Variants in ACAN observed in about 807,000 individuals in gnomAD.
ACAN encodes the protein aggrecan.
ACAN carries 47 observed loss-of-function variants against 169.1 expected under a neutral mutation model. That is an observed-to-expected ratio of 0.28 (90% confidence interval 0.22 to 0.35). The LOEUF (loss-of-function observed/expected upper bound fraction) is 0.35. Ranked by LOEUF, ACAN falls within the 10% of genes least tolerant of loss-of-function variation. The probability of loss-of-function intolerance (pLI) is 1.00; values close to 1 mark genes in which losing one functional copy is unlikely to be tolerated. For missense variants in ACAN, 2,716 were observed against 2,759.9 expected, an observed-to-expected ratio of 0.98 and a Z score of 0.36; for synonymous variants, 1,115 against 1,112.2, an observed-to-expected ratio of 1.00 and a Z score of -0.05.
intron 2 of ACAN, among the ~76,000 whole-genome samples, chr15:88,837,121 C>T (rs1363813069): frequency 1.3e-5 from 2 of 152,214 alleles, no homozygotes; most frequent in African/African-American, 4.8e-5. Context: ...ACGGGGACAC[C>T]ATACCCCTGG....
At chr15:88,812,016 C>T (rs983454493) in intron 1 of ACAN, among the ~76,000 whole-genome samples, 12 of 152,202 alleles carry the variant, frequency 7.9e-5, no homozygotes, top group African/African-American at 2.2e-4. Context: ...CAGAGGGTCT[C>T]CTGGTGTGGG....
chr15:88,863,068 C>T (rs906874373), intron 13 of ACAN, among the ~76,000 whole-genome samples: 1 of 150,868 alleles, frequency 6.6e-6, no homozygotes, highest in Non-Finnish European at 1.5e-5. Context: ...GAGCAAAATG[C>T]AGCATGATTC....
In ACAN at chr15:88,858,414, A is replaced by G; in HGVS notation, c.5829A>G (p.Glu1943=). ...CTCTTGTAGACAGAACTTTGGTGGA[A>G]TCTGTAACCCAGGCTCCAACAGCCC... ...TVSLVDRTLV[E]SVTQAPTAQE... is the part of the protein sequence containing the mutation. The change falls in exon 12 of 19, where the codon GAA becomes GAG. Residue 1943 remains glutamate, a synonymous_variant. Coordinates refer to ENST00000560601, the MANE Select transcript of ACAN (RefSeq NM_001369268.1). The surrounding 1 kb of genome is among the most constrained non-coding windows in gnomAD (Gnocchi z 4.0). 6.2e-7 allele frequency: 1 copy of G among 1,613,700 alleles called. No individual in the cohort carries two copies. Among genetic ancestry groups the G allele is most frequent in the Non-Finnish European group, 8.5e-7 (1 of 1,179,868 alleles).
rs1897421899 is a variant in ACAN at position 88,873,061 on chromosome 15, G to C, written c.7447+36G>C. The stretch of plus-strand genomic sequence containing the variant: ...GCCTGGGAGGGGTCAGGGGAGGATA[G>C]GATCAAGACCTCCAGCTACAGGTGA... On this transcript the variant is annotated intron_variant, in intron 17 of 18. Transcript: ENST00000560601. This position sits in a 1 kb window ranked among gnomAD's most constrained non-coding sequence, Gnocchi z 7.5. 1.2e-6 allele frequency: 2 copies of C among 1,601,808 alleles called. No homozygotes were observed. Among genetic ancestry groups the C allele is most frequent in the African/African-American group, 1.3e-5 (1 of 74,780 alleles).
At chr15:88,824,100 A>C (rs1284553305) in intron 1 of ACAN, among the ~76,000 whole-genome samples, 1 of 152,108 alleles carries the variant, frequency 6.6e-6, no homozygotes, top group East Asian at 1.9e-4. Context: ...CGAGGCAGGC[A>C]GACCACGAGA....
rs73458260 is a variant in ACAN, at chr15:88,870,640, C to T, written c.7061-742C>T. 4.5e-3 allele frequency among the ~76,000 whole-genome samples: 682 copies of T among 152,274 alleles called. 3 individuals carry two copies. Among genetic ancestry groups the T allele is most frequent in the African/African-American group, 0.016 (647 of 41,558 alleles). ...CCTAGGCTGTCCAAGAACTCCAAGCCAGCCCCTTCTCCAGACTGAGAACCC... is the reference window on the plus strand; with the variant it reads ...CCTAGGCTGTCCAAGAACTCCAAGCTAGCCCCTTCTCCAGACTGAGAACCC... On this transcript the variant is annotated intron_variant, in intron 14 of 18. Transcript: ENST00000560601. This position sits in a 1 kb window ranked among gnomAD's most constrained non-coding sequence, Gnocchi z 6.3.
rs766554442 is a variant in ACAN at position 88,858,214 on chromosome 15, C to T, written c.5629C>T (p.Gln1877Ter). The T allele has an allele frequency of 6.2e-7, 1 of 1,613,896 alleles. No individual in the cohort carries two copies. The highest frequency in any genetic ancestry group is 2.2e-5 in the East Asian group (1 of 44,884). Reference sequence around the variant, plus strand: ...ATCTGGGATGGTGGATGTCAGTGGACAGTTTTCTGGAACAGTCGATTCCAG... The same window carrying T: ...ATCTGGGATGGTGGATGTCAGTGGATAGTTTTCTGGAACAGTCGATTCCAG... ...GKSGMVDVSG[Q>*]FSGTVDSSGF... The change falls in exon 12 of 19, where the codon CAG becomes TAG. Residue 1877 changes from glutamine to a stop codon, truncating the protein, a stop_gained. Transcript: ENST00000560601. LOFTEE classifies it high-confidence loss of function. The surrounding 1 kb of genome is among the most constrained non-coding windows in gnomAD (Gnocchi z 4.0).
In ACAN at chr15:88,859,098, C is replaced by T. The variant is rs1380942085; in HGVS notation, c.6513C>T (p.Ser2171=). 3.1e-6 allele frequency: 5 copies of T among 1,613,734 alleles called. No individual in the cohort carries two copies. The Admixed American group carries it at 5.0e-5, about 16-fold the overall frequency. ...CTGCCCCAGAAGTGAGTGGAGAATC[C>T]ACCACCACCAGTGATGTGGGGACAG... ...ASAAPEVSGE[S]TTTSDVGTEA... The change falls in exon 12 of 19, where the codon TCC becomes TCT. Residue 2171 remains serine (S), a synonymous_variant. Coordinates refer to ENST00000560601, the MANE Select transcript of ACAN (RefSeq NM_001369268.1).
intron 1 of ACAN, among the ~76,000 whole-genome samples, chr15:88,834,087 C>T (rs1475151451): frequency 6.6e-6 from 1 of 152,198 alleles, no homozygotes; most frequent in Non-Finnish European, 1.5e-5. Flanking sequence ...ACCAGAGCCC[C>T]TCATGGTGCC....
In ACAN at chr15:88,857,108, A is replaced by G. The variant is rs2882676; in HGVS notation, c.4523A>G (p.Glu1508Gly). 5.6e-6 allele frequency: 9 copies of G among 1,612,944 alleles called. No individual in the cohort carries two copies. In the African/African-American group the frequency reaches 1.2e-4, roughly 22 times the overall value. ...GCCTCTGGAATAGAGGATGTCAGTGAACTTCCTTCAGGAGAAGGTCTAGAG... is the reference window on the plus strand; with the variant it reads ...GCCTCTGGAATAGAGGATGTCAGTGGACTTCCTTCAGGAGAAGGTCTAGAG... Reference protein sequence around the residue: ...TSASGIEDVSELPSGEGLETS... With the variant: ...TSASGIEDVSGLPSGEGLETS... Residue 1508 changes from glutamate (E) to glycine (G), a missense_variant, in exon 12 of 19, where the codon GAA becomes GGA. By Grantham distance (98) the Glu-to-Gly change is moderately conservative. This residue lies in a region of ACAN where 1,389 missense variants were observed against 1,363.7 expected (regional missense o/e 1.02). Transcript: ENST00000560601.
intron 4 of ACAN, among the ~76,000 whole-genome samples, chr15:88,840,960 T>A (rs113614592): frequency 2.6e-5 from 4 of 151,904 alleles, no homozygotes; most frequent in African/African-American, 7.3e-5. Flanking sequence ...CTAGCTAACA[T>A]GGTGAAACCC....
rs1896932376 is a variant in ACAN, at chr15:88,851,665, A to C, written c.2027-129A>C. The C allele has an allele frequency of 8.8e-7, 1 of 1,131,980 alleles. No homozygotes were observed. The highest frequency in any genetic ancestry group is 2.6e-5 in the East Asian group (1 of 38,460). The allele number at this position is 1,131,980 out of a possible 1,614,324, so 70.1% of individuals were successfully genotyped here. ...GCTCTTACTAAGCGAGAAGGCAAAC[A>C]GCCATCTGCTGAACTAGGAGGTGGG... is the stretch of plus-strand genomic sequence containing the variant. On this transcript the variant is annotated intron_variant, in intron 10 of 18. Transcript: ENST00000560601. The surrounding 1 kb of genome is among the most constrained non-coding windows in gnomAD (Gnocchi z 4.3).
rs750130640 is a variant in ACAN at position 88,841,727 on chromosome 15, G to C, written c.630-13G>C. On this transcript the variant is annotated splice_polypyrimidine_tract_variant and intron_variant, in intron 4 of 18. Coordinates refer to ENST00000560601, the MANE Select transcript of ACAN (RefSeq NM_001369268.1). Reference sequence around the variant, plus strand: ...CCCCTGAGTGTCACACCTCCATTTCGGGTTCCTGGCAGATACCCCATCCAC... The same window carrying C: ...CCCCTGAGTGTCACACCTCCATTTCCGGTTCCTGGCAGATACCCCATCCAC... 3.1e-6 allele frequency: 5 copies of C among 1,613,512 alleles called. No individual in the cohort carries two copies. In the South Asian group the frequency reaches 5.5e-5, roughly 18 times the overall value.
intron 4 of ACAN, 31 bp from the exon 5 acceptor site, chr15:88,841,709 G>T (rs759560331): frequency 1.2e-6 from 2 of 1,613,352 alleles, no homozygotes; most frequent in Non-Finnish European, 1.7e-6. Flanking sequence ...TGTCCCCTGA[G>T]TGTCACACCT....
In ACAN at chr15:88,872,803, C is replaced by A; in HGVS notation, c.7303-78C>A. 6.6e-7 allele frequency: 1 copy of A among 1,513,926 alleles called. No homozygotes were observed. The allele number at this position is 1,513,926 out of a possible 1,614,324, so 93.8% of individuals were successfully genotyped here. ...AGAGAAAGGAGATGATGAAGAGGCT[C>A]CACGGGGAAGACAGTCGGAGCAGGC... On this transcript the variant is annotated intron_variant, in intron 16 of 18. Transcript: ENST00000560601. This position sits in a 1 kb window ranked among gnomAD's most constrained non-coding sequence, Gnocchi z 5.4.
rs755579927 is a variant in ACAN at position 88,845,550 on chromosome 15, G to A, written c.1097G>A (p.Gly366Asp). 1.9e-6 allele frequency: 3 copies of A among 1,613,488 alleles called. No homozygotes were observed. Among genetic ancestry groups the A allele is most frequent in the Admixed American group, 1.7e-5 (1 of 60,030 alleles). Residue 366 changes from glycine (G) to aspartate (D), a missense_variant, in exon 7 of 19, where the codon GGT (glycine) becomes GAT (aspartate). By Grantham distance (94) the Gly-to-Asp change is moderately conservative (BLOSUM62 -1). Coordinates refer to ENST00000560601, the MANE Select transcript of ACAN (RefSeq NM_001369268.1). The stretch of plus-strand genomic sequence containing the variant: ...CCAGAAAACTTCTTTGGAGTGGGGG[G>A]TGAGGAGGACATCACCGTCCAGACA... ...DIPENFFGVG[G>D]EEDITVQTVT...
chr15:88,812,803 C>G (rs1446808987), intron 1 of ACAN, among the ~76,000 whole-genome samples: 1 of 152,106 alleles, frequency 6.6e-6, no homozygotes, highest in Non-Finnish European at 1.5e-5. Context: ...CTCTGCCCTC[C>G]TGAGCTCCAC....
chr15:88,818,432 G>GT (rs1895994927), intron 1 of ACAN, among the ~76,000 whole-genome samples: 1 of 152,190 alleles, frequency 6.6e-6, no homozygotes, highest in Admixed American at 6.5e-5. Context: ...TCTCCTCCTG[G>GT]TAGGTGTGTG....
chr15:88,849,857 C>T lies in ACAN; in HGVS notation c.2026+126C>T. 1 of 1,353,194 alleles carries T rather than the reference C, an allele frequency of 7.4e-7. No individual in the cohort carries two copies. The highest frequency in any genetic ancestry group is 1.0e-6 in the Non-Finnish European group (1 of 973,532). The allele number at this position is 1,353,194 out of a possible 1,614,324, so 83.8% of individuals were successfully genotyped here. A position where few individuals can be genotyped will look rare whatever the true frequency, so the allele number is the denominator to read the frequency against. ...CAAGAAAATGTCAGTCCCTCTGGGGCAGAGCCAGCTCTGAAACCAGCACAA... is the reference window on the plus strand; with the variant it reads ...CAAGAAAATGTCAGTCCCTCTGGGGTAGAGCCAGCTCTGAAACCAGCACAA... On this transcript the variant is annotated intron_variant, in intron 10 of 18. Coordinates refer to ENST00000560601, the MANE Select transcript of ACAN (RefSeq NM_001369268.1). The surrounding 1 kb of genome is among the most constrained non-coding windows in gnomAD (Gnocchi z 5.1).
Sources: gnomAD v4.1 joint callset for allele counts (sites outside exome capture counted in the v4.1 genomes callset) on GRCh38, gnomAD v4.1.1 for gene constraint, gnomAD v4.1.1 regional missense constraint, Gnocchi (gnomAD v3.1) non-coding constraint, MANE v1.5 for transcripts, NCBI Gene and HGNC (gene_info 2026-07-23, HGNC 2026-07-21) for gene names.